The following RELN variants were observed in gnomAD, a reference collection of about 807,000 sequenced individuals.
RELN encodes the protein reelin.
In RELN, 108 loss-of-function variants were observed where a neutral mutation model predicts 427.6. That is an observed-to-expected ratio of 0.25 (90% CI 0.22 to 0.30). RELN has a LOEUF of 0.30. RELN is among the 10% of genes least tolerant of loss of function. RELN has a pLI of 1.00. For synonymous variants in RELN, 1,524 were observed against 1,513.4 expected (o/e 1.01, Z -0.16); for missense variants, 3,715 against 4,302.8 (o/e 0.86, Z 3.82).
intron 3 of RELN, among the ~76,000 whole-genome samples, chr7:103,798,349 A>G (rs548977146): frequency 2.6e-5 from 4 of 152,278 alleles, no homozygotes; most frequent in African/African-American, 9.6e-5. Context: ...AAATTAAGTA[A>G]TGTCTCTAAG....
intron 38 of RELN, 78 bp downstream of exon 38, chr7:103,556,899 C>T: frequency 1.6e-6 from 2 of 1,214,256 alleles, no homozygotes; most frequent in Non-Finnish European, 2.5e-6. Context: ...TTGACAAACA[C>T]TTCCTCCACA....
intron 1 of RELN, among the ~76,000 whole-genome samples, chr7:103,940,081 C>T (rs1319041618): frequency 3.9e-5 from 6 of 152,134 alleles, no homozygotes; most frequent in Non-Finnish European, 8.8e-5. Flanking sequence ...ATGTTTTATA[C>T]ATATACCCAG....
chr7:103,508,816 C>T (rs903906876), intron 51 of RELN, among the ~76,000 whole-genome samples: 4 of 152,090 alleles, frequency 2.6e-5, no homozygotes, highest in Admixed American at 2.6e-4. Flanking sequence ...TCTCAGGATA[C>T]AAAAATCAAT....
chr7:103,883,190 T>C (rs542165680), intron 2 of RELN, among the ~76,000 whole-genome samples: 6 of 152,158 alleles, frequency 3.9e-5, no homozygotes, highest in Admixed American at 1.3e-4. Flanking sequence ...AAAAACCACA[T>C]GATTATCTCA....
At chr7:103,502,800 G>C (rs1312699904) in intron 52 of RELN, among the ~76,000 whole-genome samples, 1 of 152,186 alleles carries the variant, frequency 6.6e-6, no homozygotes, top group Non-Finnish European at 1.5e-5. Flanking sequence ...GTCTGCAAAA[G>C]CCCATATTGC....
In RELN at chr7:103,972,128, T is replaced by C. The variant is rs115500053; in HGVS notation, c.226+17003A>G. 2.7e-3 allele frequency among the ~76,000 whole-genome samples: 406 copies of C among 152,306 alleles called. 1 individual carries two copies. The highest frequency in any genetic ancestry group is 9.5e-3 in the African/African-American group (395 of 41,568). Reference sequence around the variant, plus strand: ...ATAAAAAAATCTCTGCAATGTTGTATGTATTATCTAAAACTTGAATATTAG... The same window carrying C: ...ATAAAAAAATCTCTGCAATGTTGTACGTATTATCTAAAACTTGAATATTAG... On this transcript the variant is annotated intron_variant, in intron 1 of 64. Transcript: ENST00000428762.
rs10569884 is a variant in RELN, at chr7:103,835,954, C to CTTTTTTTTTTTTTTTTTTT, written c.338-2283_338-2282insAAAAAAAAAAAAAAAAAAA. On this transcript the variant is annotated intron_variant, in intron 2 of 64. Coordinates refer to ENST00000428762, the MANE Select transcript of RELN (RefSeq NM_005045.4). ...TCTCTTTACAAAACTCTCAATTACC[C>CTTTTTTTTTTTTTTTTTTT]TTTTTTTTTTTTTTTTTTATAGGCG... Among the ~76,000 whole-genome samples, 51 of 142,424 alleles carry CTTTTTTTTTTTTTTTTTTT rather than the reference C, an allele frequency of 3.6e-4. 1 individual carries two copies. Among genetic ancestry groups the CTTTTTTTTTTTTTTTTTTT allele is most frequent in the African/African-American group, 1.2e-3 (46 of 38,550 alleles). The allele number at this position is 142,424 out of a possible 152,430, so 93.4% of individuals were successfully genotyped here. A position where few individuals can be genotyped will look rare whatever the true frequency, so the allele number is the denominator to read the frequency against.
intron 4 of RELN, among the ~76,000 whole-genome samples, chr7:103,769,509 T>C (rs1467012931): frequency 6.6e-6 from 1 of 152,198 alleles, no homozygotes; most frequent in Non-Finnish European, 1.5e-5. Flanking sequence ...TAAATTTCTG[T>C]TCCTTATCAA....
intron 48 of RELN, among the ~76,000 whole-genome samples, chr7:103,520,957 A>ATTT (rs55830035): frequency 0.026 from 2,033 of 79,042 alleles, 230 homozygotes; most frequent in South Asian, 0.044. Flanking sequence ...TAAATTTGTT[A>ATTT]TTTTTTTTTT....
chr7:103,634,202 T>C (rs1251812276), intron 19 of RELN, among the ~76,000 whole-genome samples: 1 of 152,150 alleles, frequency 6.6e-6, no homozygotes, highest in Non-Finnish European at 1.5e-5. Context: ...AGGGTGCCAA[T>C]GCAAACTTTC....
intron 1 of RELN, among the ~76,000 whole-genome samples, chr7:103,918,984 T>A (rs1286325616): frequency 6.6e-6 from 1 of 152,172 alleles, no homozygotes; most frequent in Non-Finnish European, 1.5e-5. Flanking sequence ...ATGAATTGAT[T>A]ATAATCTGCT....
In RELN at chr7:103,838,157, C is replaced by T. The variant is rs111949635; in HGVS notation, c.338-4485G>A. On this transcript the variant is annotated intron_variant, in intron 2 of 64. Transcript: ENST00000428762. Reference sequence around the variant, plus strand: ...CTGGGAGGCGGAGCTTGCAGTGAGCCGAGATCACGCCACTGCACTCCAGCC... The same window carrying T: ...CTGGGAGGCGGAGCTTGCAGTGAGCTGAGATCACGCCACTGCACTCCAGCC... 4.5e-3 allele frequency among the ~76,000 whole-genome samples: 617 copies of T among 136,604 alleles called. 4 individuals carry two copies. The highest frequency in any genetic ancestry group is 0.016 in the African/African-American group (585 of 36,140). The allele number at this position is 136,604 out of a possible 152,430, so 89.6% of individuals were successfully genotyped here. A position where few individuals can be genotyped will look rare whatever the true frequency, so the allele number is the denominator to read the frequency against.
rs1408872144 is a variant in RELN, at chr7:103,478,376, A to G, written c.10286+13T>C. ...TAGTAAACAGTTCCCCAGATTTAGT[A>G]AGGAGGACTTACCTTACTCTAGTGG... On this transcript the variant is annotated intron_variant, in intron 64 of 64. Transcript: ENST00000428762. 5 of 758,118 alleles carry G rather than the reference A, an allele frequency of 6.6e-6. No homozygotes were observed. Among genetic ancestry groups the G allele is most frequent in the Non-Finnish European group, 1.2e-5 (5 of 414,050 alleles). The allele number at this position is 758,118 out of a possible 1,614,324, so 47.0% of individuals were successfully genotyped here.
intron 3 of RELN, among the ~76,000 whole-genome samples, chr7:103,816,277 G>A (rs2116355653): frequency 6.6e-6 from 1 of 152,230 alleles, no homozygotes; most frequent in Middle Eastern, 3.4e-3. Context: ...TACTCAGGAG[G>A]CTGGAGCAGG....
chr7:103,894,686 T>C (rs1330116134), intron 2 of RELN, among the ~76,000 whole-genome samples: 3 of 152,150 alleles, frequency 2.0e-5, no homozygotes, highest in African/African-American at 7.2e-5. Context: ...AACTCTAATA[T>C]GCAGAAAAAT....
rs986918294 is a variant in RELN at position 103,877,516 on chromosome 7, T to C, written c.337+39559A>G. Among the ~76,000 whole-genome samples the C allele has an allele frequency of 5.3e-5, 8 of 152,192 alleles. No homozygotes were observed. The East Asian group carries it at 9.6e-4, about 18-fold the overall frequency. On this transcript the variant is annotated intron_variant, in intron 2 of 64. Coordinates refer to ENST00000428762, the MANE Select transcript of RELN (RefSeq NM_005045.4). ...CTTCTCTCTATTCCCTCTGCCACCA[T>C]CTTGGCTCAGCTCTTCTTTCTTTCC...
rs767622482 is a variant in RELN, at chr7:103,478,401, G to GA, written c.10281-8dup. 1.3e-6 allele frequency: 1 copy of GA among 757,072 alleles called. No individual in the cohort carries two copies. The highest frequency in any genetic ancestry group is 1.4e-5 in the South Asian group (1 of 72,300). The allele number at this position is 757,072 out of a possible 1,614,324, so 46.9% of individuals were successfully genotyped here. ...AAGGAGGACTTACCTTACTCTAGTG[G>GA]AAAACCAATGACAGCAAATAATGAA... is the stretch of plus-strand genomic sequence containing the variant. On this transcript the variant is annotated splice_polypyrimidine_tract_variant and splice_region_variant and intron_variant, in intron 63 of 64. Coordinates refer to ENST00000428762, the MANE Select transcript of RELN (RefSeq NM_005045.4).
At chr7:103,476,876 G>T (rs575492432) in intron 64 of RELN, among the ~76,000 whole-genome samples, 26 of 152,252 alleles carry the variant, frequency 1.7e-4, no homozygotes, top group African/African-American at 6.0e-4. Flanking sequence ...GAAATAAGAA[G>T]TGCAATGAAC....
rs182334056 is a variant in RELN at position 103,580,225 on chromosome 7, G to A, written c.4146-4520C>T. Among the ~76,000 whole-genome samples, 333 of 152,308 alleles carry A rather than the reference G, an allele frequency of 2.2e-3. 1 individual carries two copies. The highest frequency in any genetic ancestry group is 7.6e-3 in the African/African-American group (318 of 41,574). ...TTAGAATTCTCAGTTTTCCAACACC[G>A]CATTTGGAGATATCTGAGTTTAACA... On this transcript the variant is annotated intron_variant, in intron 28 of 64. Coordinates refer to ENST00000428762, the MANE Select transcript of RELN (RefSeq NM_005045.4).
Sources: allele counts gnomAD v4.1 joint callset (sites outside exome capture counted in the v4.1 genomes callset), GRCh38; gene constraint gnomAD v4.1.1; transcripts MANE v1.5; gene names NCBI Gene and HGNC (gene_info 2026-07-23, HGNC 2026-07-21).